The following SOX5 variants were observed in gnomAD, a reference collection of about 807,000 sequenced individuals.
SOX5 encodes the protein transcription factor SOX-5.
Under a neutral mutation model 92.0 loss-of-function variants are expected in SOX5, and 9 were observed. The observed-to-expected ratio is 0.10, with a 90% CI of 0.06 to 0.17. The LOEUF is 0.17. Ranked by LOEUF, SOX5 falls within the 10% of genes least tolerant of loss-of-function variation. The pLI is 1.00. For missense variants in SOX5, 642 were observed against 944.5 expected, an observed-to-expected ratio of 0.68 and a Z score of 4.20; for synonymous variants, 344 against 336.3, an observed-to-expected ratio of 1.02 and a Z score of -0.25.
At chr12:24,281,301 C>T (rs1268064068) in intron 2 of SOX5, among the ~76,000 whole-genome samples, 1 of 151,750 alleles carries the variant, frequency 6.6e-6, no homozygotes, top group East Asian at 1.9e-4. Flanking sequence ...CATTTATCCC[C>T]TATTAGATAA....
intron 6 of SOX5, among the ~76,000 whole-genome samples, chr12:23,715,809 CAAA>C (rs35450544): frequency 1.4e-5 from 1 of 72,822 alleles, no homozygotes. Context: ...AGTAATTTCC[CAAA>C]AAAAAAAAAA....
chr12:24,428,232 G>A (rs1488848421), intron 1 of SOX5, among the ~76,000 whole-genome samples: 2 of 150,596 alleles, frequency 1.3e-5, no homozygotes, highest in African/African-American at 2.4e-5. Flanking sequence ...AAAAACCTGA[G>A]TTTACAGTAA....
chr12:23,613,250 A>T (rs1303008260), intron 8 of SOX5, among the ~76,000 whole-genome samples: 1 of 152,104 alleles, frequency 6.6e-6, no homozygotes, highest in Non-Finnish European at 1.5e-5. Flanking sequence ...CGTCTTGACA[A>T]ACCTATTTTC....
Position 24,359,663 on chromosome 12 carries a change from C to T in SOX5, c.-174+8900G>A, listed in dbSNP as rs576094694. On this transcript the variant is annotated intron_variant, in intron 2 of 4. Transcript: ENST00000446891. ...TGGTTTTAAGAAGTCAACAGAAACC[C>T]TGCTTTTGCATGCTCTCGTGCTCTT... Among the ~76,000 whole-genome samples, 9 of 152,290 alleles carry T rather than the reference C, an allele frequency of 5.9e-5. No homozygotes were observed. In the East Asian group the frequency reaches 1.5e-3, roughly 26 times the overall value.
At chr12:23,599,335 C>A (rs1377860730) in intron 9 of SOX5, among the ~76,000 whole-genome samples, 1 of 152,198 alleles carries the variant, frequency 6.6e-6, no homozygotes, top group Non-Finnish European at 1.5e-5. Context: ...AGAAATATTT[C>A]TTTTCCTTGT....
At chr12:23,756,152 A>T (rs1343126241) in intron 3 of SOX5, among the ~76,000 whole-genome samples, 2 of 151,828 alleles carry the variant, frequency 1.3e-5, no homozygotes, top group Non-Finnish European at 2.9e-5. Flanking sequence ...CTGTGTGTTT[A>T]CAATTACATC....
chr12:24,380,737 T>G (rs1957743635), intron 1 of SOX5, among the ~76,000 whole-genome samples: 1 of 152,198 alleles, frequency 6.6e-6, no homozygotes, highest in Non-Finnish European at 1.5e-5. Context: ...TGATATATTT[T>G]TTTTAAAGGA....
chr12:23,800,266 T>C (rs777390295), intron 3 of SOX5, among the ~76,000 whole-genome samples: 2 of 152,178 alleles, frequency 1.3e-5, no homozygotes, highest in Non-Finnish European at 2.9e-5. Flanking sequence ...CAAAAATAAA[T>C]TAACAAAATG....
At chr12:24,461,204 A>G (rs765745225) in intron 1 of SOX5, among the ~76,000 whole-genome samples, 2 of 152,192 alleles carry the variant, frequency 1.3e-5, no homozygotes, top group Non-Finnish European at 2.9e-5. Flanking sequence ...CTGTTCAACA[A>G]GAAACATTAT....
chr12:24,003,379 C>T (rs963516392), intron 4 of SOX5, among the ~76,000 whole-genome samples: 2 of 151,826 alleles, frequency 1.3e-5, no homozygotes, highest in African/African-American at 4.8e-5. Flanking sequence ...TGTCTTTCTT[C>T]TCGGGGTGTT....
intron 3 of SOX5, among the ~76,000 whole-genome samples, chr12:24,225,054 T>C (rs1961573272): frequency 6.6e-6 from 1 of 152,228 alleles, no homozygotes; most frequent in African/African-American, 2.4e-5. Flanking sequence ...TAAAAGAAAT[T>C]ACTTAAGTGC....
intron 1 of SOX5, among the ~76,000 whole-genome samples, chr12:24,468,543 A>T (rs1944462476): frequency 6.6e-6 from 1 of 152,146 alleles, no homozygotes; most frequent in Non-Finnish European, 1.5e-5. Flanking sequence ...GACCTCAGAA[A>T]ATTCAGCACT....
chr12:24,255,597 T>TA (rs2140199200), intron 3 of SOX5, among the ~76,000 whole-genome samples: 1 of 152,212 alleles, frequency 6.6e-6, no homozygotes, highest in East Asian at 1.9e-4. Context: ...TGTTTCCAAT[T>TA]AAAGCAGCTA....
intron 4 of SOX5, among the ~76,000 whole-genome samples, chr12:24,092,829 G>C (rs1944818365): frequency 6.6e-6 from 1 of 152,064 alleles, no homozygotes; most frequent in African/African-American, 2.4e-5. Flanking sequence ...CATGTTTCTT[G>C]CTTTAGACCA....
intron 1 of SOX5, among the ~76,000 whole-genome samples, chr12:24,381,618 T>C (rs1470169669): frequency 1.3e-5 from 2 of 152,226 alleles, no homozygotes; most frequent in African/African-American, 2.4e-5. Context: ...CTCTCTCTTA[T>C]ATTTAGAAAT....
intron 10 of SOX5, among the ~76,000 whole-genome samples, chr12:23,570,910 CAAAAAAAAAAAA>C (rs148593886): frequency 3.2e-3 from 26 of 8,156 alleles, no homozygotes; most frequent in African/African-American, 8.4e-3. Context: ...GACTCCAACT[CAAAAAAAAAAAA>C]AAAAAAAAAT....
intron 2 of SOX5, among the ~76,000 whole-genome samples, chr12:24,292,847 A>C (rs367741927): frequency 5.9e-5 from 9 of 152,200 alleles, no homozygotes; most frequent in Non-Finnish European, 1.2e-4. Flanking sequence ...TTTAAAACGC[A>C]GTCGCTCTTC....
chr12:24,211,458 G>A (rs1958603493), intron 4 of SOX5, among the ~76,000 whole-genome samples: 3 of 152,136 alleles, frequency 2.0e-5, no homozygotes, highest in Non-Finnish European at 2.9e-5. Context: ...TAGCTAAACA[G>A]AAAACTTCTC....
chr12:24,544,175 A>G (rs1952399071), intron 1 of SOX5, among the ~76,000 whole-genome samples: 1 of 152,224 alleles, frequency 6.6e-6, no homozygotes, highest in Non-Finnish European at 1.5e-5. Flanking sequence ...GCAAAATAAA[A>G]GATTTTAATA....
Sources: allele counts gnomAD v4.1 joint callset (sites outside exome capture counted in the v4.1 genomes callset), GRCh38; gene constraint gnomAD v4.1.1; transcripts MANE v1.5; gene names NCBI Gene and HGNC (gene_info 2026-07-23, HGNC 2026-07-21).